ADAD1: variants seen among roughly 807,000 people sequenced by gnomAD.
The protein encoded by ADAD1 is adenosine deaminase domain containing 1.
Under a neutral mutation model 66.8 loss-of-function variants are expected in ADAD1, and 46 were observed. The observed-to-expected ratio is 0.69, with a 90% confidence interval of 0.54 to 0.88. The LOEUF is 0.88. Among genes scored for constraint, ADAD1 ranks in the 40% least tolerant of loss-of-function variants. The pLI is 0.00. For missense variants in ADAD1, 617 were observed against 681.8 expected, an observed-to-expected ratio of 0.91 and a Z score of 1.06; for synonymous variants, 248 against 229.4, an observed-to-expected ratio of 1.08 and a Z score of -0.73.
At chr4:122,391,592 G>A (rs562572958) in intron 5 of ADAD1, among the ~76,000 whole-genome samples, 6 of 152,350 alleles carry the variant, frequency 3.9e-5, no homozygotes, top group African/African-American at 7.2e-5. Flanking sequence ...GGGAAGCCCC[G>A]CCCAATGAGG....
In ADAD1 at chr4:122,383,239, C is replaced by T. The variant is rs545215323; in HGVS notation, c.362-560C>T. Among the ~76,000 whole-genome samples the T allele has an allele frequency of 3.3e-5, 5 of 152,230 alleles. No homozygotes were observed. In the East Asian group the frequency reaches 7.7e-4, roughly 23 times the overall value. On this transcript the variant is annotated intron_variant, in intron 4 of 12. Transcript: ENST00000296513. ...TCCTCTCTCTCCCCACCTCCTCTCC[C>T]ACTCCCCAACCTTCACAGCTGTAAT...
intron 7 of ADAD1, among the ~76,000 whole-genome samples, chr4:122,405,502 AC>A (rs1796165734): frequency 6.6e-6 from 1 of 152,138 alleles, no homozygotes; most frequent in South Asian, 2.1e-4. Context: ...GGATTTTGTT[AC>A]CTATTCACTT....
chr4:122,414,266 C>T (rs1296601657), intron 10 of ADAD1, among the ~76,000 whole-genome samples: 21 of 63,386 alleles, frequency 3.3e-4, no homozygotes, highest in South Asian at 7.5e-4. Context: ...TTCCAAATGT[C>T]TTTTTTTTTG....
At chr4:122,416,443 C>A (rs1011511288) in intron 11 of ADAD1, among the ~76,000 whole-genome samples, 4 of 152,162 alleles carry the variant, frequency 2.6e-5, no homozygotes, top group Non-Finnish European at 5.9e-5. Flanking sequence ...ACAAATGTTT[C>A]TTAGCAGTCA....
chr4:122,386,901 G>A (rs780079245), intron 5 of ADAD1, among the ~76,000 whole-genome samples: 13 of 152,168 alleles, frequency 8.5e-5, no homozygotes, highest in Non-Finnish European at 1.6e-4. Context: ...CTACATGTCC[G>A]TTTTGGTGCC....
Position 122,411,336 on chromosome 4 carries a change from C to T in ADAD1, c.963C>T (p.Asn321=). The change falls in exon 9 of 13, where the codon AAC becomes AAT. Residue 321 remains asparagine, a synonymous_variant. Coordinates refer to ENST00000296513, the MANE Select transcript of ADAD1 (RefSeq NM_139243.4). The part of the protein sequence containing the change: ...SNLLTLKQNI[N]ICLYMNQLPK... ...TACTCACTCTTAAACAGAATATCAA[C>T]ATTTGCCTTTACATGAACCAGTTGC... The T allele has an allele frequency of 6.2e-7, 1 of 1,613,306 alleles. No individual in the cohort carries two copies. Among genetic ancestry groups the T allele is most frequent in the Non-Finnish European group, 8.5e-7 (1 of 1,179,668 alleles).
chr4:122,396,277 G>T lies in ADAD1; in HGVS notation c.624G>T (p.Lys208Asn). ...HYEGRHIQYA[K>N]ISQIVKERFN... is the part of the protein sequence containing the mutation. ...AAGGGAGACATATTCAATATGCAAA[G>T]ATTTCACAGATCGTTAAAGAAAGAT... is the stretch of plus-strand genomic sequence containing the variant. The change falls in exon 7 of 13, where the codon AAG becomes AAT. Residue 208 changes from lysine (K) to asparagine (N), a missense_variant. Coordinates refer to ENST00000296513, the MANE Select transcript of ADAD1 (RefSeq NM_139243.4). 5 of 1,593,742 alleles carry T rather than the reference G, an allele frequency of 3.1e-6. No individual in the cohort carries two copies. Among genetic ancestry groups the T allele is most frequent in the Non-Finnish European group, 2.6e-6 (3 of 1,172,152 alleles).
At chr4:122,390,344 G>C (rs1795373870) in intron 5 of ADAD1, among the ~76,000 whole-genome samples, 2 of 152,148 alleles carry the variant, frequency 1.3e-5, no homozygotes, top group Non-Finnish European at 2.9e-5. Flanking sequence ...TCTTGGGGTT[G>C]ATCTTCTTGT....
At chr4:122,395,939 G>A (rs1795689739) in intron 6 of ADAD1, among the ~76,000 whole-genome samples, 2 of 152,200 alleles carry the variant, frequency 1.3e-5, no homozygotes, top group East Asian at 1.9e-4. Context: ...GCACAGTCCT[G>A]TACAACAAAG....
chr4:122,384,474 AT>A (rs754799403), intron 5 of ADAD1, among the ~76,000 whole-genome samples: 6 of 152,184 alleles, frequency 3.9e-5, no homozygotes, highest in Non-Finnish European at 7.3e-5. Flanking sequence ...AACCTGTTTT[AT>A]TTGGAGAGGG....
chr4:122,399,115 G>C (rs1469056565), intron 7 of ADAD1, among the ~76,000 whole-genome samples: 2 of 152,114 alleles, frequency 1.3e-5, no homozygotes. Context: ...TTAGATTTAA[G>C]TCTTTGATCC....
In ADAD1 at chr4:122,396,343, T is replaced by C. The variant is rs950620059; in HGVS notation, c.690T>C (p.Tyr230=). The C allele has an allele frequency of 3.1e-6, 5 of 1,596,598 alleles. No individual in the cohort carries two copies. Among genetic ancestry groups the C allele is most frequent in the Admixed American group, 3.5e-5 (2 of 57,272 alleles). ...CTAATCGTTCAGAATACCTGAAATA[T>C]AGCAGTTCATTGGCTGCTTTTATAA... ...LISNRSEYLK[Y]SSSLAAFIIE... The change falls in exon 7 of 13, where the codon TAT becomes TAC. Residue 230 remains tyrosine (Y), a synonymous_variant. Transcript: ENST00000296513.
intron 11 of ADAD1, among the ~76,000 whole-genome samples, chr4:122,416,919 TC>T (rs1427062096): frequency 1.3e-5 from 2 of 152,142 alleles, no homozygotes; most frequent in Non-Finnish European, 2.9e-5. Flanking sequence ...AAACAGGTCT[TC>T]TATGAAAGAC....
chr4:122,393,588 G>T lies in ADAD1; in HGVS notation c.530-1G>T. 6.3e-7 allele frequency: 1 copy of T among 1,590,518 alleles called. No homozygotes were observed. On this transcript the variant is annotated splice_acceptor_variant, in intron 5 of 12. Transcript: ENST00000296513. LOFTEE classifies it high-confidence loss of function. Reference sequence around the variant, plus strand: ...TCCTTATGTTTTTGTTTTGTTTACAGGTCCTCCTCCTTTCCCTGCAGAACC... The same window carrying T: ...TCCTTATGTTTTTGTTTTGTTTACATGTCCTCCTCCTTTCCCTGCAGAACC...
intron 11 of ADAD1, among the ~76,000 whole-genome samples, chr4:122,417,415 T>C (rs890105644): frequency 4.1e-5 from 6 of 146,836 alleles, no homozygotes; most frequent in African/African-American, 1.5e-4. Flanking sequence ...AGCATTACAA[T>C]AAGACAAAAA....
chr4:122,427,070 GTAGGTAAAA>G (rs1429989606), intron 12 of ADAD1, among the ~76,000 whole-genome samples: 9 of 152,206 alleles, frequency 5.9e-5, no homozygotes, highest in Non-Finnish European at 1.3e-4. Flanking sequence ...GTATCATCTT[GTAGGTAAAA>G]TATACTTTGG....
chr4:122,393,630 C>T lies in ADAD1; in HGVS notation c.571C>T (p.Leu191=). The T allele has an allele frequency of 6.2e-7, 1 of 1,602,450 alleles. No individual in the cohort carries two copies. Among genetic ancestry groups the T allele is most frequent in the Non-Finnish European group, 8.5e-7 (1 of 1,175,602 alleles). The part of the protein sequence containing the change: ...FPAEPVVLSE[L]AYVSKVHYEG... Reference sequence around the variant, plus strand: ...TGCAGAACCTGTTGTTTTATCTGAACTAGCATATGTTTCAAAAGTACATTA... The same window carrying T: ...TGCAGAACCTGTTGTTTTATCTGAATTAGCATATGTTTCAAAAGTACATTA... Residue 191 remains leucine (L), a synonymous_variant, in exon 6 of 13, where the codon CTA becomes TTA. Transcript: ENST00000296513.
chr4:122,406,599 G>C (rs554452447), intron 7 of ADAD1, among the ~76,000 whole-genome samples: 174 of 152,228 alleles, frequency 1.1e-3, no homozygotes, highest in Middle Eastern at 3.4e-3. Flanking sequence ...CTTCCCCATA[G>C]CTCTTTGGTA....
At chr4:122,412,292 G>T (rs1048948973) in intron 9 of ADAD1, among the ~76,000 whole-genome samples, 4 of 152,062 alleles carry the variant, frequency 2.6e-5, no homozygotes, top group Non-Finnish European at 5.9e-5. Context: ...CACAAACTAT[G>T]ATAGGGATAA....
Sources: allele counts gnomAD v4.1 joint callset (sites outside exome capture counted in the v4.1 genomes callset), GRCh38; gene constraint gnomAD v4.1.1; transcripts MANE v1.5; gene names NCBI Gene and HGNC (gene_info 2026-07-23, HGNC 2026-07-21).